MIR2052HG: variants seen among roughly 807,000 people sequenced by gnomAD.
MIR2052HG encodes MIR2052 host gene.
chr8:74,670,519 A>G lies in MIR2052HG; in HGVS notation n.217-31860A>G, dbSNP rs554232353. ...TAAAATAACGGAAGGACTATAAACGATGAAAGATAATCAAGCACTAAATTT... is the reference window on the plus strand; with the variant it reads ...TAAAATAACGGAAGGACTATAAACGGTGAAAGATAATCAAGCACTAAATTT... On this transcript the variant is annotated intron_variant and non_coding_transcript_variant, in intron 2 of 6. Coordinates refer to ENST00000523442, the Ensembl canonical transcript of MIR2052HG. 5.3e-5 allele frequency among the ~76,000 whole-genome samples: 8 copies of G among 152,336 alleles called. No homozygotes were observed. The South Asian group carries it at 1.5e-3, about 28-fold the overall frequency.
intron 4 of MIR2052HG, among the ~76,000 whole-genome samples, chr8:74,709,444 G>C (rs942656648): frequency 6.6e-6 from 1 of 151,672 alleles, no homozygotes; most frequent in African/African-American, 2.4e-5. Flanking sequence ...TTTTTGATTG[G>C]GGGAGGAGTT....
intron 2 of MIR2052HG, among the ~76,000 whole-genome samples, chr8:74,618,418 A>G (rs1808315091): frequency 6.6e-6 from 1 of 152,226 alleles, no homozygotes; most frequent in African/African-American, 2.4e-5. Context: ...GCACATAGTC[A>G]GCACTCTGTA....
intron 2 of MIR2052HG, among the ~76,000 whole-genome samples, chr8:74,613,209 A>G (rs1379930373): frequency 6.6e-6 from 1 of 152,202 alleles, no homozygotes; most frequent in African/African-American, 2.4e-5. Flanking sequence ...CTCTCAAAAT[A>G]TACTTTTAGC....
At chr8:74,711,776 C>G (rs1030382580) in intron 4 of MIR2052HG, among the ~76,000 whole-genome samples, 7 of 152,122 alleles carry the variant, frequency 4.6e-5, no homozygotes, top group African/African-American at 1.4e-4. Flanking sequence ...AAATAAATCT[C>G]CTTGCTTCAA....
chr8:74,698,716 G>T (rs1341998793), intron 2 of MIR2052HG, among the ~76,000 whole-genome samples: 2 of 152,030 alleles, frequency 1.3e-5, no homozygotes, highest in African/African-American at 4.8e-5. Context: ...TCACTCATAA[G>T]TGAGAGCTGA....
At chr8:74,713,198 A>G (rs368733228) in intron 4 of MIR2052HG, among the ~76,000 whole-genome samples, 8 of 152,348 alleles carry the variant, frequency 5.3e-5, no homozygotes, top group Non-Finnish European at 1.2e-4. Context: ...ATACAGCACT[A>G]TTAAAATGGT....
intron 4 of MIR2052HG, among the ~76,000 whole-genome samples, chr8:74,719,663 T>A (rs1809554536): frequency 6.6e-6 from 1 of 151,912 alleles, no homozygotes. Flanking sequence ...TTGGAGGTCA[T>A]CATGGAAAAA....
chr8:74,669,713 T>A (rs967016236), intron 2 of MIR2052HG, among the ~76,000 whole-genome samples: 4 of 152,186 alleles, frequency 2.6e-5, no homozygotes, highest in Non-Finnish European at 5.9e-5. Context: ...TCCTGCTTCT[T>A]GGGAGGCTTC....
At chr8:74,604,289 T>G in intron 1 of MIR2052HG, 1 of 751,694 alleles carries the variant, frequency 1.3e-6, no homozygotes, top group East Asian at 2.7e-5. Context: ...GGTCAAGTCT[T>G]TGGTCACTGA....
At chr8:74,702,529 A>G (rs1210558789) in intron 3 of MIR2052HG, 4 of 323,446 alleles carry the variant, frequency 1.2e-5, no homozygotes, top group South Asian at 2.4e-5. Flanking sequence ...GGGGAATGGA[A>G]TATACATGTA....
intron 2 of MIR2052HG, among the ~76,000 whole-genome samples, chr8:74,617,323 A>G (rs150643459): frequency 1.3e-5 from 2 of 152,072 alleles, no homozygotes; most frequent in Admixed American, 6.6e-5. Context: ...GCTCTCATTT[A>G]TAAGTGAGAA....
At chr8:74,690,066 G>A (rs1304428763) in intron 2 of MIR2052HG, among the ~76,000 whole-genome samples, 2 of 152,140 alleles carry the variant, frequency 1.3e-5, no homozygotes, top group East Asian at 3.8e-4. Context: ...TCACAAAAAA[G>A]GTGTAGGTAG....
chr8:74,700,856 A>G (rs1162218122), intron 2 of MIR2052HG, among the ~76,000 whole-genome samples: 1 of 152,148 alleles, frequency 6.6e-6, no homozygotes, highest in Non-Finnish European at 1.5e-5. Context: ...ATTATTAATT[A>G]TTTAAATTCC....
At chr8:74,668,323 T>C (rs1808954055) in intron 2 of MIR2052HG, among the ~76,000 whole-genome samples, 1 of 151,624 alleles carries the variant, frequency 6.6e-6, no homozygotes, top group African/African-American at 2.4e-5. Flanking sequence ...ATTATATATG[T>C]ACACACACAC....
At chr8:74,712,422 T>C (rs1809477213) in intron 4 of MIR2052HG, among the ~76,000 whole-genome samples, 2 of 152,190 alleles carry the variant, frequency 1.3e-5, no homozygotes, top group South Asian at 4.1e-4. Flanking sequence ...TATATGTCTC[T>C]CAACTACTTA....
chr8:74,612,453 C>A (rs1280884536), intron 1 of MIR2052HG: 1 of 167,668 alleles, frequency 6.0e-6, no homozygotes, highest in Non-Finnish European at 1.3e-5. Context: ...AACTGACATA[C>A]CTTAGCTTGG....
rs1338395340 is a variant in MIR2052HG, at chr8:74,602,815, G to GTCTTTCTTTCTTTCTTTCTTTCTTTCTT, written n.128+2908_128+2909insCTTTCTTTCTTTCTTTCTTTCTTTCTTT. ...TGGATGTGAGCTGCCATGCCCGGCCGTGTTTCTTTCTTTCTTTCTTTCTTT... is the reference window on the plus strand; with the variant it reads ...TGGATGTGAGCTGCCATGCCCGGCCGTCTTTCTTTCTTTCTTTCTTTCTTTCTTTGTTTCTTTCTTTCTTTCTTTCTTT... On this transcript the variant is annotated intron_variant and non_coding_transcript_variant, in intron 1 of 6. Coordinates refer to ENST00000523442, the Ensembl canonical transcript of MIR2052HG. 5.1e-3 allele frequency among the ~76,000 whole-genome samples: 114 copies of GTCTTTCTTTCTTTCTTTCTTTCTTTCTT among 22,544 alleles called. 2 individuals are homozygous for GTCTTTCTTTCTTTCTTTCTTTCTTTCTT. Among genetic ancestry groups the GTCTTTCTTTCTTTCTTTCTTTCTTTCTT allele is most frequent in the African/African-American group, 0.015 (72 of 4,952 alleles). The allele number at this position is 22,544 out of a possible 152,430, so 14.8% of individuals were successfully genotyped here.
chr8:74,619,394 C>T (rs971563040), intron 2 of MIR2052HG, among the ~76,000 whole-genome samples: 1 of 152,180 alleles, frequency 6.6e-6, no homozygotes, highest in Non-Finnish European at 1.5e-5. Flanking sequence ...GTAATCAAAA[C>T]AGCATGGTAC....
intron 4 of MIR2052HG, among the ~76,000 whole-genome samples, chr8:74,718,376 G>T (rs1809541857): frequency 6.6e-6 from 1 of 152,102 alleles, no homozygotes; most frequent in Non-Finnish European, 1.5e-5. Flanking sequence ...AGCTGTGTGT[G>T]TCGGGGGTCA....
Sources: gnomAD v4.1 joint callset for allele counts (sites outside exome capture counted in the v4.1 genomes callset) on GRCh38, gnomAD v4.1.1 for gene constraint, MANE v1.5 for transcripts, NCBI Gene and HGNC (gene_info 2026-07-23, HGNC 2026-07-21) for gene names.